The following THSD4 variants were observed in gnomAD, a reference collection of about 807,000 sequenced individuals.
THSD4 encodes thrombospondin type 1 domain containing 4.
In THSD4, 69 loss-of-function variants were observed where a neutral mutation model predicts 119.0. The observed-to-expected ratio is 0.58, with a 90% CI of 0.48 to 0.71. The LOEUF (loss-of-function observed/expected upper bound fraction) is 0.71, where lower values mean the gene tolerates loss of function less well. Among genes scored for constraint, THSD4 ranks in the 30% least tolerant of loss-of-function variants. The pLI is 0.00. For missense variants in THSD4, 1,393 were observed against 1,391.1 expected, an observed-to-expected ratio of 1.00 and a Z score of -0.02; for synonymous variants, 524 against 540.4, an observed-to-expected ratio of 0.97 and a Z score of 0.42.
intron 7 of THSD4, among the ~76,000 whole-genome samples, chr15:71,472,143 C>T (rs1760668963): frequency 6.6e-6 from 1 of 152,128 alleles, no homozygotes; most frequent in African/African-American, 2.4e-5. Context: ...TCTCAAACTC[C>T]TGGGTTCAAG....
intron 7 of THSD4, among the ~76,000 whole-genome samples, chr15:71,578,629 G>A (rs773531813): frequency 2.6e-5 from 4 of 151,458 alleles, no homozygotes; most frequent in East Asian, 2.0e-4. Context: ...AAGCCACCAC[G>A]CCCAGCCTAT....
Position 71,656,335 on chromosome 15 carries a change from G to A in THSD4, c.1153-4195G>A, listed in dbSNP as rs193063435. On this transcript the variant is annotated intron_variant, in intron 7 of 17. Coordinates refer to ENST00000261862, the MANE Select transcript of THSD4 (RefSeq NM_024817.3). ...GTGAAAGACCACCGAAACTCTCTGC[G>A]CTCATTTTAAACTTCTTATGAGTCT... is the stretch of plus-strand genomic sequence containing the variant. Among the ~76,000 whole-genome samples, 478 of 152,136 alleles carry A rather than the reference G, an allele frequency of 3.1e-3. 3 individuals carry two copies. Among genetic ancestry groups the A allele is most frequent in the Non-Finnish European group, 3.9e-3 (265 of 67,996 alleles).
At chr15:71,628,141 G>A (rs1030999062) in intron 7 of THSD4, among the ~76,000 whole-genome samples, 4 of 152,116 alleles carry the variant, frequency 2.6e-5, no homozygotes, top group African/African-American at 4.8e-5. Context: ...CCTGGGCATC[G>A]GTAGCTTTTC....
intron 6 of THSD4, among the ~76,000 whole-genome samples, chr15:71,356,265 G>A (rs570185383): frequency 1.8e-4 from 27 of 152,072 alleles, no homozygotes; most frequent in Non-Finnish European, 3.2e-4. Flanking sequence ...CTCTGCACAC[G>A]GTTGCTTCTG....
chr15:71,765,247 C>T, intron 16 of THSD4, 48 bp downstream of exon 16: 2 of 1,579,528 alleles, frequency 1.3e-6, no homozygotes, highest in Non-Finnish European at 1.7e-6. Context: ...CAACGTCCCC[C>T]ACCTGAACTC....
chr15:71,381,321 G>T (rs1051672754), intron 6 of THSD4, among the ~76,000 whole-genome samples: 1 of 152,098 alleles, frequency 6.6e-6, no homozygotes, highest in African/African-American at 2.4e-5. Flanking sequence ...AATTTAATTT[G>T]GATCAATCTT....
intron 6 of THSD4, among the ~76,000 whole-genome samples, chr15:71,331,005 G>T (rs1405752324): frequency 6.6e-6 from 1 of 152,224 alleles, no homozygotes; most frequent in Non-Finnish European, 1.5e-5. Flanking sequence ...TCTCCCACCT[G>T]TGTGGCTCCC....
At chr15:71,764,964 A>G in intron 15 of THSD4, 56 bp from the exon 16 acceptor site, 1 of 1,559,810 alleles carries the variant, frequency 6.4e-7, no homozygotes, top group Non-Finnish European at 8.7e-7. Flanking sequence ...GATGGACAGT[A>G]GCTGCCACCC....
At chr15:71,454,376 A>G (rs1430150784) in intron 7 of THSD4, among the ~76,000 whole-genome samples, 1 of 152,200 alleles carries the variant, frequency 6.6e-6, no homozygotes, top group Non-Finnish European at 1.5e-5. Context: ...CATTTTCTGT[A>G]TGTTGATGTA....
chr15:71,728,301 C>T (rs2052903462), intron 8 of THSD4, among the ~76,000 whole-genome samples: 1 of 152,110 alleles, frequency 6.6e-6, no homozygotes, highest in South Asian at 2.1e-4. Context: ...CCTAACCAGC[C>T]CCCACCCTAC....
intron 2 of THSD4, among the ~76,000 whole-genome samples, chr15:71,147,003 AG>A (rs534893063): frequency 2.6e-4 from 39 of 152,206 alleles, no homozygotes; most frequent in South Asian, 1.2e-3. Context: ...TATATCTCTA[AG>A]TGTATTTTTA....
At chr15:71,466,524 C>G (rs1278102551) in intron 7 of THSD4, among the ~76,000 whole-genome samples, 1 of 152,118 alleles carries the variant, frequency 6.6e-6, no homozygotes, top group Non-Finnish European at 1.5e-5. Flanking sequence ...AGGGCAGAAC[C>G]CTCAGGAGCC....
intron 7 of THSD4, among the ~76,000 whole-genome samples, chr15:71,563,050 A>G (rs2140884203): frequency 6.6e-6 from 1 of 152,260 alleles, no homozygotes; most frequent in South Asian, 2.1e-4. Context: ...TTGGCCTCTT[A>G]ATAGTTTTCC....
chr15:71,123,568 G>A (rs2040426848), intron 1 of THSD4, among the ~76,000 whole-genome samples: 1 of 152,212 alleles, frequency 6.6e-6, no homozygotes, highest in Non-Finnish European at 1.5e-5. Context: ...GGGAGTGTGA[G>A]AGGCGGGGAG....
At position 71,273,615 on chromosome 15, in the gene THSD4, T is replaced by C. The variant is rs113127016; in HGVS notation, c.1015+16900T>C. Among the ~76,000 whole-genome samples the C allele has an allele frequency of 6.3e-3, 952 of 152,320 alleles. 5 individuals are homozygous for C. The highest frequency in any genetic ancestry group is 0.022 in the African/African-American group (922 of 41,572). The stretch of plus-strand genomic sequence containing the variant: ...AACCATATTTTCTTATTCCACAATG[T>C]ATACACGTATTGAAACCCCATAAAT... On this transcript the variant is annotated intron_variant, in intron 6 of 17. Transcript: ENST00000261862.
intron 9 of THSD4, chr15:71,729,591 A>G (rs2052932440): frequency 1.3e-5 from 2 of 152,112 alleles, no homozygotes. Context: ...TCGAAATTAC[A>G]AAGGAAGCCT....
At chr15:71,765,417 G>C (rs1234148002) in intron 16 of THSD4, among the ~76,000 whole-genome samples, 8 of 152,212 alleles carry the variant, frequency 5.3e-5, no homozygotes, top group African/African-American at 1.9e-4. Context: ...TGTAGAAACA[G>C]TGACTCTCAC....
At chr15:71,154,766 C>T (rs1284161609) in intron 2 of THSD4, 97 bp from the exon 3 acceptor site, 4 of 1,259,024 alleles carry the variant, frequency 3.2e-6, no homozygotes, top group South Asian at 1.2e-5. Flanking sequence ...GGGCTGTTCC[C>T]CCCCCATCCA....
intron 8 of THSD4, among the ~76,000 whole-genome samples, chr15:71,709,865 A>T (rs1364441657): frequency 6.8e-6 from 1 of 146,712 alleles, no homozygotes; most frequent in East Asian, 2.0e-4. Flanking sequence ...GCATCAGTTT[A>T]AAAAAAAAAA....
Sources: gnomAD v4.1 joint callset for allele counts (sites outside exome capture counted in the v4.1 genomes callset) on GRCh38, gnomAD v4.1.1 for gene constraint, MANE v1.5 for transcripts, NCBI Gene and HGNC (gene_info 2026-07-23, HGNC 2026-07-21) for gene names.